Variants in COL28A1 observed in about 807,000 individuals in gnomAD.
COL28A1 encodes the protein collagen type XXVIII alpha 1 chain.
In COL28A1, 161 loss-of-function variants were observed where a neutral mutation model predicts 150.2. That is an observed-to-expected ratio of 1.07 (90% CI 0.94 to 1.22). COL28A1 has a LOEUF of 1.22. COL28A1 is among the 50% of genes most tolerant of loss of function. The pLI, the probability that COL28A1 is intolerant of heterozygous loss-of-function variation, is 0.00. For synonymous variants in COL28A1, 552 were observed against 469.7 expected (o/e 1.18, Z -2.26); for missense variants, 1,617 against 1,388.3 (o/e 1.16, Z -2.62).
rs149871345 is a variant in COL28A1 at position 7,453,391 on chromosome 7, G to T, written c.1440+49C>A. 2.3e-5 allele frequency: 20 copies of T among 877,232 alleles called. No individual in the cohort carries two copies. In the African/African-American group the frequency reaches 2.8e-4, roughly 12 times the overall value. 54.3% of individuals were successfully genotyped at this position (877,232 alleles called of 1,614,324 possible). ...TTGCACTGGCACTGATCAGAAAACA[G>T]CAATTATACTATAGATATATTAAAC... On this transcript the variant is annotated intron_variant, in intron 17 of 34. Coordinates refer to ENST00000399429, the MANE Select transcript of COL28A1 (RefSeq NM_001037763.3).
intron 10 of COL28A1, 69 bp from the exon 11 acceptor site, chr7:7,506,136 G>T (rs1181307426): frequency 1.2e-6 from 1 of 858,138 alleles, no homozygotes; most frequent in Admixed American, 1.7e-5. Flanking sequence ...TCATTCTTTA[G>T]GGTCCCTAGA....
intron 27 of COL28A1, among the ~76,000 whole-genome samples, chr7:7,405,080 T>C (rs1389825819): frequency 6.6e-6 from 1 of 152,152 alleles, no homozygotes; most frequent in Non-Finnish European, 1.5e-5. Flanking sequence ...AATAAATTTC[T>C]GAAATAAAAC....
intron 8 of COL28A1, among the ~76,000 whole-genome samples, chr7:7,513,501 A>G (rs1037498788): frequency 6.6e-6 from 1 of 152,236 alleles, no homozygotes; most frequent in Non-Finnish European, 1.5e-5. Context: ...ATCAAAAGCA[A>G]TCTGTTCTCT....
intron 27 of COL28A1, among the ~76,000 whole-genome samples, chr7:7,385,831 T>G (rs1186667055): frequency 6.6e-6 from 1 of 152,220 alleles, no homozygotes; most frequent in African/African-American, 2.4e-5. Flanking sequence ...TTCATTTTCT[T>G]TTTAATCACT....
At chr7:7,463,966 T>C (rs1475790714) in intron 15 of COL28A1, among the ~76,000 whole-genome samples, 1 of 152,058 alleles carries the variant, frequency 6.6e-6, no homozygotes, top group East Asian at 1.9e-4. Flanking sequence ...TGATGGAAAA[T>C]GACATTTCAT....
chr7:7,521,482 G>T (rs551737980), intron 5 of COL28A1, among the ~76,000 whole-genome samples: 2 of 152,354 alleles, frequency 1.3e-5, no homozygotes, highest in South Asian at 2.1e-4. Context: ...CGGTGTTGCT[G>T]CTGCACTGCT....
chr7:7,507,154 G>A lies in COL28A1; in HGVS notation c.935C>T (p.Pro312Leu), dbSNP rs1384005745. 11 of 1,232,596 alleles carry A rather than the reference G, an allele frequency of 8.9e-6. No individual in the cohort carries two copies. Among genetic ancestry groups the A allele is most frequent in the Non-Finnish European group, 1.2e-5 (10 of 835,162 alleles). 76.4% of individuals were successfully genotyped at this position (1,232,596 alleles called of 1,614,324 possible). A position where few individuals can be genotyped will look rare whatever the true frequency, so the allele number is the denominator to read the frequency against. Residue 312 changes from proline to leucine, a missense_variant, in exon 10 of 35, where the codon CCA (proline) becomes CTA (leucine). Pro to Leu is a moderately conservative substitution (Grantham distance 98). Coordinates refer to ENST00000399429, the MANE Select transcript of COL28A1 (RefSeq NM_001037763.3). ...GGGTCCCTTTGGTCCATATGGCCCTGGGGATCCCTGTGGAATAAAATTGAA... is the reference window on the plus strand; with the variant it reads ...GGGTCCCTTTGGTCCATATGGCCCTAGGGATCCCTGTGGAATAAAATTGAA... ...KPGIKGDKGS[P>L]GPYGPKGPRG...
At chr7:7,451,431 G>T (rs1786684514) in intron 18 of COL28A1, among the ~76,000 whole-genome samples, 1 of 152,076 alleles carries the variant, frequency 6.6e-6, no homozygotes, top group African/African-American at 2.4e-5. Flanking sequence ...TCACCATGTT[G>T]GCCAGGATGG....
upstream of COL28A1, among the ~76,000 whole-genome samples, chr7:7,540,338 C>T (rs1459340032): frequency 6.6e-6 from 1 of 152,176 alleles, no homozygotes; most frequent in African/African-American, 2.4e-5. Context: ...AGATATTAGA[C>T]AGTGTTATTC....
At chr7:7,423,902 C>A (rs938795016) in intron 25 of COL28A1, among the ~76,000 whole-genome samples, 1 of 152,144 alleles carries the variant, frequency 6.6e-6, no homozygotes, top group Non-Finnish European at 1.5e-5. Flanking sequence ...GACAGCTGAC[C>A]CTGTAGATAC....
intron 18 of COL28A1, among the ~76,000 whole-genome samples, chr7:7,451,718 T>A (rs930222429): frequency 4.6e-5 from 7 of 152,184 alleles, no homozygotes; most frequent in Admixed American, 4.6e-4. Flanking sequence ...TATAAACATA[T>A]GTCAAACTTG....
intron 15 of COL28A1, among the ~76,000 whole-genome samples, chr7:7,463,253 A>AGAAG (rs1309141609): frequency 6.6e-6 from 1 of 152,218 alleles, no homozygotes; most frequent in Non-Finnish European, 1.5e-5. Context: ...GAAGTTAAGA[A>AGAAG]GAAGGAAAGA....
In COL28A1 at chr7:7,490,058, C is replaced by G. The variant is rs147799415; in HGVS notation, c.1095+520G>C. 2.6e-3 allele frequency among the ~76,000 whole-genome samples: 391 copies of G among 152,266 alleles called. 2 individuals are homozygous for G. Among genetic ancestry groups the G allele is most frequent in the African/African-American group, 8.9e-3 (371 of 41,548 alleles). On this transcript the variant is annotated intron_variant, in intron 12 of 34. Transcript: ENST00000399429. Reference sequence around the variant, plus strand: ...TTATTGTCACAACCACTTGGAAAAGCCATTCAAAATAGGCACTTCTGCTTT... The same window carrying G: ...TTATTGTCACAACCACTTGGAAAAGGCATTCAAAATAGGCACTTCTGCTTT...
chr7:7,427,132 A>T (rs772963895), intron 25 of COL28A1, among the ~76,000 whole-genome samples: 8 of 152,350 alleles, frequency 5.3e-5, no homozygotes, highest in Non-Finnish European at 1.2e-4. Flanking sequence ...AGCAATATTC[A>T]AAGTCATGAG....
At chr7:7,349,616 C>T in the COL28A1 span, among the ~76,000 whole-genome samples, 2 of 152,122 alleles carry the variant, frequency 1.3e-5, no homozygotes, top group Admixed American at 6.6e-5. Context: ...GACTTGGTGT[C>T]CCCTTTCTGT....
intron 13 of COL28A1, among the ~76,000 whole-genome samples, chr7:7,477,455 G>A (rs1788991892): frequency 1.3e-5 from 2 of 152,314 alleles, no homozygotes; most frequent in East Asian, 3.9e-4. Context: ...ATGTGCATAG[G>A]TTATACGCAA....
chr7:7,537,096 ATACATTTAT>A (rs1782670965), upstream of COL28A1, among the ~76,000 whole-genome samples: 1 of 152,232 alleles, frequency 6.6e-6, no homozygotes, highest in South Asian at 2.1e-4. Context: ...TAAGCTATAT[ATACATTTAT>A]GAAAGATTGA....
At chr7:7,475,358 A>G (rs1788776569) in intron 14 of COL28A1, among the ~76,000 whole-genome samples, 1 of 152,218 alleles carries the variant, frequency 6.6e-6, no homozygotes. Context: ...TTAGCCCCAA[A>G]TAGTACATAC....
chr7:7,525,455 T>A (rs986130852), intron 3 of COL28A1, among the ~76,000 whole-genome samples: 1 of 152,244 alleles, frequency 6.6e-6, no homozygotes, highest in African/African-American at 2.4e-5. Flanking sequence ...TATGTTTATA[T>A]ATAGAATTAG....
Sources: gnomAD v4.1 joint callset for allele counts (sites outside exome capture counted in the v4.1 genomes callset) on GRCh38, gnomAD v4.1.1 for gene constraint, MANE v1.5 for transcripts, NCBI Gene and HGNC (gene_info 2026-07-23, HGNC 2026-07-21) for gene names.